RFX4: variants seen among roughly 807,000 people sequenced by gnomAD.
RFX4 encodes the protein regulatory factor X4.
In RFX4, 10 loss-of-function variants were observed where a neutral mutation model predicts 95.0. The observed-to-expected ratio is 0.11, with a 90% CI of 0.06 to 0.18. RFX4 has a LOEUF of 0.18. RFX4 is among the 10% of genes least tolerant of loss of function. RFX4 has a pLI of 1.00. For synonymous variants in RFX4, 321 were observed against 340.7 expected, an observed-to-expected ratio of 0.94 and a Z score of 0.64; for missense variants, 640 against 922.0, an observed-to-expected ratio of 0.69 and a Z score of 3.96.
chr12:106,586,219 T>G lies in RFX4; in HGVS notation c.43+2856T>G, dbSNP rs929621003. Among the ~76,000 whole-genome samples the G allele has an allele frequency of 1.3e-5, 2 of 151,948 alleles. No homozygotes were observed. The highest frequency in any genetic ancestry group is 2.4e-5 in the African/African-American group (1 of 41,394). On this transcript the variant is annotated intron_variant, in intron 1 of 17. Coordinates refer to ENST00000392842, the MANE Select transcript of RFX4 (RefSeq NM_213594.3). The surrounding 1 kb of genome is among the most constrained non-coding windows in gnomAD (Gnocchi z 5.6). ...GGCAGTCGACGCACCTTCTGGCCGG[T>G]GCGCGGTTTGCAGTAAGCGCAGGCG... is the stretch of plus-strand genomic sequence containing the variant.
At chr12:106,624,352 G>T (rs2040246973) in intron 2 of RFX4, among the ~76,000 whole-genome samples, 1 of 151,988 alleles carries the variant, frequency 6.6e-6, no homozygotes, top group Middle Eastern at 3.2e-3. Context: ...TTGAAATGGA[G>T]TCTCACTCTG....
At chr12:106,655,506 G>A (rs919877684) in intron 4 of RFX4, among the ~76,000 whole-genome samples, 1 of 152,188 alleles carries the variant, frequency 6.6e-6, no homozygotes. Context: ...TGCTATGGAG[G>A]TGCCCCTCAG....
intron 7 of RFX4, among the ~76,000 whole-genome samples, chr12:106,691,233 G>A (rs1317398900): frequency 6.6e-6 from 1 of 152,194 alleles, no homozygotes; most frequent in Non-Finnish European, 1.5e-5. Flanking sequence ...AGTGTTACTA[G>A]AAGGAGGAGA....
At chr12:106,655,789 G>C (rs2040946059) in intron 4 of RFX4, among the ~76,000 whole-genome samples, 1 of 152,200 alleles carries the variant, frequency 6.6e-6, no homozygotes, top group Non-Finnish European at 1.5e-5. Flanking sequence ...CAACTGAGAT[G>C]ATGTCAGTGG....
intron 3 of RFX4, among the ~76,000 whole-genome samples, 153 bp downstream of exon 3, chr12:106,639,545 C>T (rs1444299000): frequency 6.6e-6 from 1 of 152,194 alleles, no homozygotes; most frequent in Non-Finnish European, 1.5e-5. Flanking sequence ...ATGTAAAATG[C>T]TCAACTAGCC....
In RFX4 at chr12:106,748,946, G is replaced by A. The variant is rs114032976; in HGVS notation, c.1796+1347G>A. On this transcript the variant is annotated intron_variant, in intron 16 of 17. Coordinates refer to ENST00000392842, the MANE Select transcript of RFX4 (RefSeq NM_213594.3). ...CTAAAAATACAAAAATTAGCTAGAC[G>A]TAGTGGCACGCGCCTGTAGTCCCAG... 8.3e-3 allele frequency among the ~76,000 whole-genome samples: 1,259 copies of A among 152,146 alleles called. 24 individuals are homozygous for A. Among genetic ancestry groups the A allele is most frequent in the African/African-American group, 0.029 (1,200 of 41,502 alleles).
chr12:106,672,598 T>C (rs1050059206), intron 4 of RFX4, among the ~76,000 whole-genome samples: 1 of 152,144 alleles, frequency 6.6e-6, no homozygotes, highest in Admixed American at 6.5e-5. Flanking sequence ...GTTTGCTGAG[T>C]CTTGCTCCAG....
At chr12:106,755,508 C>A (rs2043092768) in intron 17 of RFX4, among the ~76,000 whole-genome samples, 1 of 152,134 alleles carries the variant, frequency 6.6e-6, no homozygotes, top group Admixed American at 6.5e-5. Flanking sequence ...AGCTCTCAAA[C>A]CCAATGCTAA....
chr12:106,752,275 C>G (rs2043021787), intron 17 of RFX4, among the ~76,000 whole-genome samples: 1 of 151,210 alleles, frequency 6.6e-6, no homozygotes, highest in Non-Finnish European at 1.5e-5. Context: ...TCTGAGGGCT[C>G]TGTTCTGTTC....
rs191761190 is a variant in RFX4 at position 106,600,853 on chromosome 12, C to A, written c.44-7944C>A. Among the ~76,000 whole-genome samples the A allele has an allele frequency of 3.7e-4, 56 of 152,238 alleles. 2 individuals carry two copies. In the East Asian group the frequency reaches 8.9e-3, roughly 24 times the overall value. On this transcript the variant is annotated intron_variant, in intron 1 of 17. Transcript: ENST00000392842. ...AGAGAGGCCTTCAGTGTCCCCACTGCCCAAAAAGCACCCCCACCTCTCTTG... is the reference window on the plus strand; with the variant it reads ...AGAGAGGCCTTCAGTGTCCCCACTGACCAAAAAGCACCCCCACCTCTCTTG...
intron 11 of RFX4, among the ~76,000 whole-genome samples, chr12:106,718,935 C>A (rs2042343616): frequency 6.7e-6 from 1 of 150,372 alleles, no homozygotes; most frequent in African/African-American, 2.5e-5. Context: ...ACAGTGAAAC[C>A]CCGTCTGTAC....
intron 3 of RFX4, among the ~76,000 whole-genome samples, chr12:106,647,435 G>A (rs1303245967): frequency 1.3e-4 from 20 of 152,240 alleles, no homozygotes; most frequent in African/African-American, 4.3e-4. Flanking sequence ...CATCCCTAGC[G>A]CAGGGTAGGC....
intron 4 of RFX4, among the ~76,000 whole-genome samples, chr12:106,658,317 T>C (rs1368290794): frequency 6.6e-6 from 1 of 152,210 alleles, no homozygotes; most frequent in Non-Finnish European, 1.5e-5. Flanking sequence ...GTATTTTTAC[T>C]TACTTTGAAG....
At chr12:106,640,054 C>T (rs183485974) in intron 3 of RFX4, among the ~76,000 whole-genome samples, 154 of 152,190 alleles carry the variant, frequency 1.0e-3, no homozygotes, top group Non-Finnish European at 2.1e-4. Context: ...TAAGGAATGA[C>T]GGGGAAGGAA....
chr12:106,667,356 T>C (rs1156281831), intron 4 of RFX4, among the ~76,000 whole-genome samples: 1 of 152,204 alleles, frequency 6.6e-6, no homozygotes, highest in Non-Finnish European at 1.5e-5. Flanking sequence ...TAGCTTCTCC[T>C]GAAAGCAGGC....
chr12:106,717,383 G>A (rs2042314745), intron 11 of RFX4, among the ~76,000 whole-genome samples: 1 of 152,216 alleles, frequency 6.6e-6, no homozygotes, highest in Non-Finnish European at 1.5e-5. Context: ...AATACAATCA[G>A]TATTGCTTGC....
intron 7 of RFX4, among the ~76,000 whole-genome samples, chr12:106,689,710 G>A (rs1254721258): frequency 6.6e-5 from 10 of 152,014 alleles, no homozygotes; most frequent in Non-Finnish European, 1.5e-4. Flanking sequence ...CTTACATTTT[G>A]GAAAAAATAT....
At chr12:106,649,119 A>G (rs753090201) in intron 3 of RFX4, among the ~76,000 whole-genome samples, 29 of 152,190 alleles carry the variant, frequency 1.9e-4, no homozygotes, top group Non-Finnish European at 2.9e-5. Flanking sequence ...AAACCCAGGT[A>G]TAATGGAGCA....
Position 106,711,478 on chromosome 12 carries a change from G to A in RFX4, c.960G>A (p.Leu320=). 6.2e-7 allele frequency: 1 copy of A among 1,614,068 alleles called. No individual in the cohort carries two copies. The highest frequency in any genetic ancestry group is 8.5e-7 in the Non-Finnish European group (1 of 1,179,946). Residue 320 remains leucine (L), a synonymous_variant, in exon 10 of 18, where the codon CTG becomes CTA. Transcript: ENST00000392842. ...TGTCGAGAAGGTTCTCCCAAATTCT[G>A]AGACGGCAAACATCACTAAATCATC... The part of the protein sequence containing the change: ...FELSRRFSQI[L]RRQTSLNHLC...
Sources: allele counts gnomAD v4.1 joint callset (sites outside exome capture counted in the v4.1 genomes callset), GRCh38; gene constraint gnomAD v4.1.1; non-coding constraint Gnocchi (gnomAD v3.1); transcripts MANE v1.5; gene names NCBI Gene and HGNC (gene_info 2026-07-23, HGNC 2026-07-21).